The following B3GNT5 variants were observed in gnomAD, a reference collection of about 807,000 sequenced individuals.
B3GNT5 encodes lactosylceramide 1,3-N-acetyl-beta-D-glucosaminyltransferase.
A neutral mutation model predicts 25.9 loss-of-function variants in B3GNT5; 11 were observed. The ratio of observed to expected loss-of-function variants is 0.42; its 90% CI spans 0.27 to 0.70. B3GNT5 has a LOEUF of 0.70. B3GNT5 is among the 30% of genes least tolerant of loss of function. The pLI is 0.23. For synonymous variants in B3GNT5, 166 were observed against 158.6 expected (o/e 1.05, Z -0.35); for missense variants, 385 against 458.4 (o/e 0.84, Z 1.46).
At position 183,269,990 on chromosome 3, in the gene B3GNT5, T is replaced by C; in HGVS notation, c.192T>C (p.Leu64=). ...SYDFVNDTLS[L]KHTSAGPRYQ... ...ACTTTGTGAATGATACCCTGTCTCTTAAGCACACCTCAGCGGGGCCTCGCT... is the reference window on the plus strand; with the variant it reads ...ACTTTGTGAATGATACCCTGTCTCTCAAGCACACCTCAGCGGGGCCTCGCT... Residue 64 remains leucine (L), a synonymous_variant, in exon 2 of 2, where the codon CTT becomes CTC. Transcript: ENST00000326505. 6.2e-7 allele frequency: 1 copy of C among 1,614,168 alleles called. No homozygotes were observed. Among genetic ancestry groups the C allele is most frequent in the Non-Finnish European group, 8.5e-7 (1 of 1,180,018 alleles).
In B3GNT5 at chr3:183,273,176, C is replaced by T; in HGVS notation, c.*2241C>T. The T allele has an allele frequency of 2.0e-6, 1 of 503,182 alleles. No individual in the cohort carries two copies. The highest frequency in any genetic ancestry group is 3.5e-6 in the Non-Finnish European group (1 of 283,082). 31.2% of individuals were successfully genotyped at this position (503,182 alleles called of 1,614,324 possible). A position where few individuals can be genotyped will look rare whatever the true frequency, so the allele number is the denominator to read the frequency against. ...CAACAAAGGGAAAATAAACTATCAG[C>T]TTGGATGGTCACTTGAATAGAAGAT... On this transcript the variant is annotated 3_prime_UTR_variant, in exon 2 of 2. Coordinates refer to ENST00000326505, the MANE Select transcript of B3GNT5 (RefSeq NM_032047.5).
Position 183,270,290 on chromosome 3 carries a change from T to C in B3GNT5, c.492T>C (p.Ser164=). The change falls in exon 2 of 2, where the codon TCT becomes TCC. Residue 164 remains serine, a synonymous_variant. Coordinates refer to ENST00000326505, the MANE Select transcript of B3GNT5 (RefSeq NM_032047.5). The surrounding 1 kb of genome is among the most constrained non-coding windows in gnomAD (Gnocchi z 4.5). ...TAATTCAGCAAGACTTTGTTGATTC[T>C]TTCTACAATCTTACTCTGAAATTAC... ...NDIIQQDFVD[S]FYNLTLKLLM... 1.2e-6 allele frequency: 2 copies of C among 1,614,242 alleles called. No homozygotes were observed. The highest frequency in any genetic ancestry group is 2.2e-5 in the South Asian group (2 of 91,078).
At chr3:183,262,560 A>C (rs1457726716) in intron 1 of B3GNT5, among the ~76,000 whole-genome samples, 1 of 152,024 alleles carries the variant, frequency 6.6e-6, no homozygotes, top group Non-Finnish European at 1.5e-5. Context: ...GTCTCCCCCT[A>C]GTCCCGGCCC....
At chr3:183,257,764 CTTA>C (rs140801807) in intron 1 of B3GNT5, among the ~76,000 whole-genome samples, 2,913 of 152,208 alleles carry the variant, frequency 0.019, 86 homozygotes, top group African/African-American at 0.067. Context: ...CCTGGTTTTT[CTTA>C]TTATTATTCA....
rs3076576 is a variant in B3GNT5, at chr3:183,267,213, T to TA, written c.-301-2274dup. Among the ~76,000 whole-genome samples the TA allele has an allele frequency of 2.3e-3, 348 of 149,140 alleles. 1 individual carries two copies. Among genetic ancestry groups the TA allele is most frequent in the African/African-American group, 6.5e-3 (268 of 40,918 alleles). On this transcript the variant is annotated intron_variant, in intron 1 of 1. Transcript: ENST00000326505. The surrounding 1 kb of genome is among the most constrained non-coding windows in gnomAD (Gnocchi z 5.5). Reference sequence around the variant, plus strand: ...TACTACTCTCAGTACACTCTGTATTTAAAAAAAAAAATGCTGGTTGTGGCT... The same window carrying TA: ...TACTACTCTCAGTACACTCTGTATTTAAAAAAAAAAAATGCTGGTTGTGGCT...
At position 183,270,060 on chromosome 3, in the gene B3GNT5, G is replaced by C; in HGVS notation, c.262G>C (p.Val88Leu). The C allele has an allele frequency of 5.6e-6, 9 of 1,614,102 alleles. No individual in the cohort carries two copies. The highest frequency in any genetic ancestry group is 7.6e-6 in the Non-Finnish European group (9 of 1,180,040). ...CAAGGAAAAGTGTCAAGCTCAAGAC[G>C]TCCTCCTTTTACTGTTTGTAAAAAC... ...NHKEKCQAQD[V>L]LLLLFVKTAP... The change falls in exon 2 of 2, where the codon GTC becomes CTC. Residue 88 changes from valine (V) to leucine (L), a missense_variant. By Grantham distance (32) the Val-to-Leu change is conservative. Transcript: ENST00000326505. The surrounding 1 kb of genome is among the most constrained non-coding windows in gnomAD (Gnocchi z 4.5).
intron 1 of B3GNT5, among the ~76,000 whole-genome samples, chr3:183,258,892 TG>T (rs1435938165): frequency 6.6e-6 from 1 of 152,172 alleles, no homozygotes; most frequent in Admixed American, 6.5e-5. Flanking sequence ...ACCTGGCCCA[TG>T]TACTTTAAAT....
intron 1 of B3GNT5, among the ~76,000 whole-genome samples, chr3:183,262,846 C>G (rs1338670369): frequency 6.6e-6 from 1 of 152,010 alleles, no homozygotes; most frequent in Non-Finnish European, 1.5e-5. Context: ...TAGATAGTGC[C>G]ATTTGTGGTG....
chr3:183,273,091 T>TA lies in B3GNT5; in HGVS notation c.*2162dup. Reference sequence around the variant, plus strand: ...TGTAAATAAAAGGGTTCCAACCTTTTAAAAAAGAAGGAAAAAACTTTTTGG... The same window carrying TA: ...TGTAAATAAAAGGGTTCCAACCTTTTAAAAAAAGAAGGAAAAAACTTTTTGG... On this transcript the variant is annotated 3_prime_UTR_variant, in exon 2 of 2. Coordinates refer to ENST00000326505, the MANE Select transcript of B3GNT5 (RefSeq NM_032047.5). The TA allele has an allele frequency of 7.2e-7, 1 of 1,395,454 alleles. No homozygotes were observed. The highest frequency in any genetic ancestry group is 1.5e-5 in the African/African-American group (1 of 67,042). 86.4% of individuals were successfully genotyped at this position (1,395,454 alleles called of 1,614,324 possible). A position where few individuals can be genotyped will look rare whatever the true frequency, so the allele number is the denominator to read the frequency against.
In B3GNT5 at chr3:183,259,097, G is replaced by A. The variant is rs553964320; in HGVS notation, c.-302+5625G>A. ...GGATGCGGAACCCATGAACGTACAC[G>A]ACCAACTGCATATGGGTTTCTAATA... On this transcript the variant is annotated intron_variant, in intron 1 of 1. Coordinates refer to ENST00000326505, the MANE Select transcript of B3GNT5 (RefSeq NM_032047.5). Among the ~76,000 whole-genome samples the A allele has an allele frequency of 5.3e-5, 8 of 152,186 alleles. No individual in the cohort carries two copies. The South Asian group carries it at 6.2e-4, about 12-fold the overall frequency.
In B3GNT5 at chr3:183,270,761, A is replaced by C; in HGVS notation, c.963A>C (p.Thr321=). 6.2e-7 allele frequency: 1 copy of C among 1,613,796 alleles called. No homozygotes were observed. Among genetic ancestry groups the C allele is most frequent in the Middle Eastern group, 1.7e-4 (1 of 6,060 alleles). Reference sequence around the variant, plus strand: ...CCTGCATCTATGAAAAAATGATGACATCTCATGGACACTTAGAAGATCTCC... The same window carrying C: ...CCTGCATCTATGAAAAAATGATGACCTCTCATGGACACTTAGAAGATCTCC... ...YHPCIYEKMM[T]SHGHLEDLQD... The change falls in exon 2 of 2, where the codon ACA becomes ACC. Residue 321 remains threonine, a synonymous_variant. Transcript: ENST00000326505. This position sits in a 1 kb window ranked among gnomAD's most constrained non-coding sequence, Gnocchi z 4.5.
At chr3:183,266,281 T>C (rs768727271) in intron 1 of B3GNT5, among the ~76,000 whole-genome samples, 1 of 152,218 alleles carries the variant, frequency 6.6e-6, no homozygotes, top group Non-Finnish European at 1.5e-5. Flanking sequence ...CAAGCTGGCA[T>C]TGGAGCTTGC....
chr3:183,254,412 T>TC lies in B3GNT5; in HGVS notation c.-302+944dup, dbSNP rs550743651. Among the ~76,000 whole-genome samples, 658 of 151,756 alleles carry TC rather than the reference T, an allele frequency of 4.3e-3. 2 individuals carry two copies. The highest frequency in any genetic ancestry group is 0.015 in the African/African-American group (626 of 41,428). ...AAAGCGCGGCGGAGAAGGAGGCTCG[T>TC]CCCCTCCCCGGAACGCCTTTGTTCC... On this transcript the variant is annotated intron_variant, in intron 1 of 1. Coordinates refer to ENST00000326505, the MANE Select transcript of B3GNT5 (RefSeq NM_032047.5).
intron 1 of B3GNT5, among the ~76,000 whole-genome samples, chr3:183,255,036 G>A (rs1724912146): frequency 6.6e-6 from 1 of 152,220 alleles, no homozygotes; most frequent in African/African-American, 2.4e-5. Flanking sequence ...CACCGATGTG[G>A]TAACCGCACA....
At position 183,269,230 on chromosome 3, in the gene B3GNT5, C is replaced by CTTT. The variant is rs60835895; in HGVS notation, c.-301-252_-301-250dup. On this transcript the variant is annotated intron_variant, in intron 1 of 1. Coordinates refer to ENST00000326505, the MANE Select transcript of B3GNT5 (RefSeq NM_032047.5). The stretch of plus-strand genomic sequence containing the variant: ...TACACGATTATAGCCGTTTGGGAAG[C>CTTT]TTTTTTTTTTTTTTTTTTAAGAGTA... 1.2e-3 allele frequency among the ~76,000 whole-genome samples: 95 copies of CTTT among 80,996 alleles called. 8 individuals carry two copies. In the Middle Eastern group the frequency reaches 0.023, roughly 20 times the overall value. 53.1% of individuals were successfully genotyped at this position (80,996 alleles called of 152,430 possible). A position where few individuals can be genotyped will look rare whatever the true frequency, so the allele number is the denominator to read the frequency against.
At chr3:183,262,623 A>G (rs983403410) in intron 1 of B3GNT5, among the ~76,000 whole-genome samples, 23 of 150,744 alleles carry the variant, frequency 1.5e-4, no homozygotes, top group African/African-American at 5.6e-4. Context: ...TAGGGAGCCC[A>G]TGAGGAGGCG....
intron 1 of B3GNT5, among the ~76,000 whole-genome samples, chr3:183,258,105 T>C (rs753751309): frequency 6.6e-5 from 10 of 151,756 alleles, no homozygotes; most frequent in Non-Finnish European, 8.8e-5. Context: ...GTAGCTGGGA[T>C]TACAGGCATG....
chr3:183,262,208 T>C (rs1170381429), intron 1 of B3GNT5, among the ~76,000 whole-genome samples: 1 of 150,522 alleles, frequency 6.6e-6, no homozygotes, highest in Non-Finnish European at 1.5e-5. Flanking sequence ...TAGTCTTGTT[T>C]TATGATACTT....
Position 183,270,250 on chromosome 3 carries a change from A to G in B3GNT5, c.452A>G (p.Gln151Arg). The G allele has an allele frequency of 6.2e-7, 1 of 1,614,204 alleles. No homozygotes were observed. Among genetic ancestry groups the G allele is most frequent in the South Asian group, 1.1e-5 (1 of 91,084 alleles). ...CAAAGAAAACTGGCTTGGGAAGATC[A>G]AAGGTACAATGATATAATTCAGCAA... ...ELQRKLAWED[Q>R]RYNDIIQQDF... is the part of the protein sequence containing the mutation. Residue 151 changes from glutamine (Q) to arginine (R), a missense_variant, in exon 2 of 2, where the codon CAA becomes CGA. By Grantham distance (43) the Gln-to-Arg change is conservative (BLOSUM62 1). Coordinates refer to ENST00000326505, the MANE Select transcript of B3GNT5 (RefSeq NM_032047.5). This position sits in a 1 kb window ranked among gnomAD's most constrained non-coding sequence, Gnocchi z 4.5.
Sources: allele counts gnomAD v4.1 joint callset (sites outside exome capture counted in the v4.1 genomes callset), GRCh38; gene constraint gnomAD v4.1.1; non-coding constraint Gnocchi (gnomAD v3.1); transcripts MANE v1.5; gene names NCBI Gene and HGNC (gene_info 2026-07-23, HGNC 2026-07-21).